Variants in RAB11FIP5 observed in about 807,000 individuals in gnomAD.
RAB11FIP5 encodes the protein RAB11 family interacting protein 5, also known as rab11 family-interacting protein 5.
In RAB11FIP5, 48 loss-of-function variants were observed where a neutral mutation model predicts 85.1. The observed-to-expected ratio is 0.56, with a 90% confidence interval of 0.45 to 0.72. RAB11FIP5 has a LOEUF of 0.72. Ranked by LOEUF, RAB11FIP5 falls within the 30% of genes least tolerant of loss-of-function variation. The pLI, the probability that RAB11FIP5 is intolerant of heterozygous loss-of-function variation, is 0.00. For missense variants in RAB11FIP5, 1,491 were observed against 1,687.0 expected (o/e 0.88, Z 2.04); for synonymous variants, 729 against 727.3 (o/e 1.00, Z -0.04).
In RAB11FIP5 at chr2:73,076,124, G is replaced by A. The variant is rs758458443; in HGVS notation, c.3640C>T (p.Gln1214Ter). 6.2e-7 allele frequency: 1 copy of A among 1,613,912 alleles called. No homozygotes were observed. Among genetic ancestry groups the A allele is most frequent in the Non-Finnish European group, 8.5e-7 (1 of 1,179,776 alleles). ...APVEGSPDRK[Q>*]SRSSLSIALS... Reference sequence around the variant, plus strand: ...GCTATGCTCAGACTGGAGCGGGACTGCTTCCTGTCGGGGCTGCCCTCCACA... The same window carrying A: ...GCTATGCTCAGACTGGAGCGGGACTACTTCCTGTCGGGGCTGCCCTCCACA... Residue 1214 changes from glutamine to a stop codon, truncating the protein, a stop_gained, in exon 5 of 6, where the codon CAG becomes TAG. Transcript: ENST00000486777. LOFTEE classifies it high-confidence loss of function.
In RAB11FIP5 at chr2:73,088,214, G is replaced by A. The variant is rs1217779254; in HGVS notation, c.1404C>T (p.His468=). 1.2e-6 allele frequency: 2 copies of A among 1,613,938 alleles called. No homozygotes were observed. Among genetic ancestry groups the A allele is most frequent in the Non-Finnish European group, 8.5e-7 (1 of 1,180,030 alleles). The change falls in exon 3 of 6, where the codon CAC becomes CAT. Residue 468 remains histidine, a synonymous_variant. Coordinates refer to ENST00000486777, the MANE Select transcript of RAB11FIP5 (RefSeq NM_001371272.1). ...ACTCGCTCCGACTTAGGCCTTGGTG[G>A]TGGTGGTGGAAGAGACCCATCCGGG... ...RKPRMGLFHH[H]HQGLSRSELG... is the part of the protein sequence containing the mutation.
chr2:73,088,984 C>G lies in RAB11FIP5; in HGVS notation c.763G>C (p.Asp255His). 6.2e-7 allele frequency: 1 copy of G among 1,614,192 alleles called. No individual in the cohort carries two copies. The highest frequency in any genetic ancestry group is 8.5e-7 in the Non-Finnish European group (1 of 1,180,044). ...CCGCTGGCTGAGGACAGGGTGCTGT[C>G]CGAGCCCAGCGAGGTGTTGGACTGG... is the stretch of plus-strand genomic sequence containing the variant. The part of the protein sequence containing the change: ...LTQSNTSLGS[D>H]STLSSASGSL... The change falls in exon 2 of 6, where the codon GAC becomes CAC. Residue 255 changes from aspartate (D) to histidine (H), a missense_variant. This residue lies in a region of RAB11FIP5 where 1,211 missense variants were observed against 1,338.0 expected (regional missense o/e 0.91). Coordinates refer to ENST00000486777, the MANE Select transcript of RAB11FIP5 (RefSeq NM_001371272.1).
chr2:73,082,267 C>T (rs1683999023), intron 3 of RAB11FIP5, among the ~76,000 whole-genome samples: 1 of 152,106 alleles, frequency 6.6e-6, no homozygotes, highest in Non-Finnish European at 1.5e-5. Context: ...CCTGGCCTCC[C>T]AAAGTTCTGG....
intron 3 of RAB11FIP5, among the ~76,000 whole-genome samples, chr2:73,085,066 G>C (rs1420780915): frequency 6.6e-6 from 1 of 152,200 alleles, no homozygotes; most frequent in South Asian, 2.1e-4. Context: ...ACCATGACAA[G>C]AGCATGGTTG....
Position 73,080,347 on chromosome 2 carries a change from T to G in RAB11FIP5, c.2885A>C (p.Asp962Ala). The change falls in exon 4 of 6, where the codon GAC (aspartate) becomes GCC (alanine). Residue 962 changes from aspartate to alanine, a missense_variant. Asp to Ala is a moderately radical substitution (Grantham distance 126, BLOSUM62 -2). Around this residue, in one of 3 missense-constraint regions of RAB11FIP5, gnomAD observed 1,211 missense variants for 1,338.0 expected, o/e 0.91. Transcript: ENST00000486777. ...EGEKRESEES[D>A]SCSSATLLGQ... The stretch of plus-strand genomic sequence containing the variant: ...CAGCAGGGTTGCAGAGGAGCAGCTG[T>G]CAGACTCCTCCGACTCACGCTTCTC... 8.1e-7 allele frequency: 1 copy of G among 1,232,744 alleles called. No individual in the cohort carries two copies. Among genetic ancestry groups the G allele is most frequent in the Non-Finnish European group, 1.0e-6 (1 of 988,390 alleles). The allele number at this position is 1,232,744 out of a possible 1,614,324, so 76.4% of individuals were successfully genotyped here. A position where few individuals can be genotyped will look rare whatever the true frequency, so the allele number is the denominator to read the frequency against.
At chr2:73,101,600 G>C (rs892062705) in intron 1 of RAB11FIP5, among the ~76,000 whole-genome samples, 4 of 152,152 alleles carry the variant, frequency 2.6e-5, no homozygotes, top group African/African-American at 9.7e-5. Flanking sequence ...ATTGACATTA[G>C]ACTCCTGCGG....
chr2:73,104,755 A>G (rs1684491395), intron 1 of RAB11FIP5, among the ~76,000 whole-genome samples: 1 of 152,104 alleles, frequency 6.6e-6, no homozygotes, highest in African/African-American at 2.4e-5. Context: ...CTGTTATTCA[A>G]GGCCTCACCT....
At chr2:73,092,488 G>A (rs1431141756) in intron 1 of RAB11FIP5, among the ~76,000 whole-genome samples, 1 of 152,186 alleles carries the variant, frequency 6.6e-6, no homozygotes, top group Non-Finnish European at 1.5e-5. Context: ...AAGAGACAAG[G>A]GAAAGCTCTT....
chr2:73,099,015 T>C (rs1027569885), intron 1 of RAB11FIP5, among the ~76,000 whole-genome samples: 1 of 152,086 alleles, frequency 6.6e-6, no homozygotes, highest in South Asian at 2.1e-4. Flanking sequence ...CTTATGTTTC[T>C]TTAGTAAATG....
At position 73,074,118 on chromosome 2, in the gene RAB11FIP5, T is replaced by G. The variant is rs1683801472; in HGVS notation, c.*1403A>C. ...ACCAGGGGCTGGGCCAAAGGACAGA[T>G]ACTTCATTTCAAAGTGCACTGCAGC... On this transcript the variant is annotated 3_prime_UTR_variant, in exon 6 of 6. Coordinates refer to ENST00000486777, the MANE Select transcript of RAB11FIP5 (RefSeq NM_001371272.1). 1 of 152,248 alleles carries G rather than the reference T, an allele frequency of 6.6e-6. No individual in the cohort carries two copies. The highest frequency in any genetic ancestry group is 2.1e-4 in the South Asian group (1 of 4,838). The allele number at this position is 152,248 out of a possible 1,614,324, so 9.4% of individuals were successfully genotyped here.
In RAB11FIP5 at chr2:73,088,908, C is replaced by A. The variant is rs1488069718; in HGVS notation, c.839G>T (p.Ser280Ile). 1 of 1,589,154 alleles carries A rather than the reference C, an allele frequency of 6.3e-7. No individual in the cohort carries two copies. Among genetic ancestry groups the A allele is most frequent in the Admixed American group, 1.7e-5 (1 of 57,788 alleles). ...TTCAGTGGACAGCCAGCTGCTACGGCTTGGTGAGCGGGTGAGGAGTTCGGC... is the reference window on the plus strand; with the variant it reads ...TTCAGTGGACAGCCAGCTGCTACGGATTGGTGAGCGGGTGAGGAGTTCGGC... ...PGAELLTRSP[S>I]RSSWLSTEGG... The change falls in exon 2 of 6, where the codon AGC (serine) becomes ATC (isoleucine). Residue 280 changes from serine to isoleucine, a missense_variant. By Grantham distance (142) the Ser-to-Ile change is moderately radical (BLOSUM62 -2). This residue lies in a region of RAB11FIP5 where 1,211 missense variants were observed against 1,338.0 expected (regional missense o/e 0.91). Transcript: ENST00000486777.
Position 73,088,213 on chromosome 2 carries a change from G to C in RAB11FIP5, c.1405C>G (p.His469Asp), listed in dbSNP as rs780647922. The stretch of plus-strand genomic sequence containing the variant: ...AACTCGCTCCGACTTAGGCCTTGGT[G>C]GTGGTGGTGGAAGAGACCCATCCGG... ...KPRMGLFHHH[H>D]QGLSRSELGR... is the part of the protein sequence containing the mutation. Residue 469 changes from histidine to aspartate, a missense_variant, in exon 3 of 6, where the codon CAC becomes GAC. Physicochemically the swap from His to Asp is moderately conservative, Grantham distance 81. Transcript: ENST00000486777. 8 of 1,613,954 alleles carry C rather than the reference G, an allele frequency of 5.0e-6. No homozygotes were observed. In the East Asian group the frequency reaches 1.8e-4, roughly 36 times the overall value.
rs1558526198 is a variant in RAB11FIP5 at position 73,112,859 on chromosome 2, G to A, written c.-82C>T. The A allele has an allele frequency of 7.9e-7, 1 of 1,273,764 alleles. No individual in the cohort carries two copies. The highest frequency in any genetic ancestry group is 1.0e-6 in the Non-Finnish European group (1 of 995,566). The allele number at this position is 1,273,764 out of a possible 1,614,324, so 78.9% of individuals were successfully genotyped here. On this transcript the variant is annotated 5_prime_UTR_variant, in exon 1 of 6. Coordinates refer to ENST00000486777, the MANE Select transcript of RAB11FIP5 (RefSeq NM_001371272.1). ...GACAAACCCGGCCGCGGCAGAAGGC[G>A]GTCAGGAACCAACTCTGAGCGCCGC...
rs538964905 is a variant in RAB11FIP5 at position 73,081,321 on chromosome 2, G to C, written c.1911C>G (p.Pro637=). Reference sequence around the variant, plus strand: ...GCAGGGCTTTCCCAGGGGAGGCCAGGGGGGTGGGGCTGGCCCTCGAGGCAC... The same window carrying C: ...GCAGGGCTTTCCCAGGGGAGGCCAGCGGGGTGGGGCTGGCCCTCGAGGCAC... ...LPSASRASPT[P]LASPGKALPE... The change falls in exon 4 of 6, where the codon CCC becomes CCG. Residue 637 remains proline, a synonymous_variant. Coordinates refer to ENST00000486777, the MANE Select transcript of RAB11FIP5 (RefSeq NM_001371272.1). The surrounding 1 kb of genome is among the most constrained non-coding windows in gnomAD (Gnocchi z 4.2). 1.4e-5 allele frequency: 17 copies of C among 1,232,870 alleles called. No individual in the cohort carries two copies. In the South Asian group the frequency reaches 2.1e-4, roughly 15 times the overall value. 76.4% of individuals were successfully genotyped at this position (1,232,870 alleles called of 1,614,324 possible). A position where few individuals can be genotyped will look rare whatever the true frequency, so the allele number is the denominator to read the frequency against.
chr2:73,110,643 C>CTGAAAA lies in RAB11FIP5; in HGVS notation c.431+1698_431+1703dup, dbSNP rs571509394. ...ATTCTCCAAGACAGGCTGTTCTTGG[C>CTGAAAA]TGAAAATGGGTCCACCTGGACCTAC... On this transcript the variant is annotated intron_variant, in intron 1 of 5. Coordinates refer to ENST00000486777, the MANE Select transcript of RAB11FIP5 (RefSeq NM_001371272.1). Among the ~76,000 whole-genome samples the CTGAAAA allele has an allele frequency of 2.9e-3, 440 of 152,324 alleles. 1 individual carries two copies. The highest frequency in any genetic ancestry group is 0.01 in the African/African-American group (419 of 41,566).
Position 73,075,906 on chromosome 2 carries a change from G to A in RAB11FIP5, c.3771+87C>T. The A allele has an allele frequency of 2.6e-6, 4 of 1,511,408 alleles. No individual in the cohort carries two copies. The South Asian group carries it at 3.8e-5, about 14-fold the overall frequency. 93.6% of individuals were successfully genotyped at this position (1,511,408 alleles called of 1,614,324 possible). A position where few individuals can be genotyped will look rare whatever the true frequency, so the allele number is the denominator to read the frequency against. ...GACTCTGATATGGGGGACCTGGCCTGCTCCCTGCCCCACCCTCACCAGGAC... is the reference window on the plus strand; with the variant it reads ...GACTCTGATATGGGGGACCTGGCCTACTCCCTGCCCCACCCTCACCAGGAC... On this transcript the variant is annotated intron_variant, in intron 5 of 5. Transcript: ENST00000486777. The surrounding 1 kb of genome is among the most constrained non-coding windows in gnomAD (Gnocchi z 4.6).
intron 4 of RAB11FIP5, among the ~76,000 whole-genome samples, 183 bp from the exon 5 acceptor site, chr2:73,076,365 G>A (rs558830587): frequency 6.6e-6 from 1 of 152,040 alleles, no homozygotes; most frequent in Non-Finnish European, 1.5e-5. Context: ...CAACCCCCTG[G>A]GCTGGCCTCA....
intron 1 of RAB11FIP5, among the ~76,000 whole-genome samples, chr2:73,110,956 C>T (rs1435818808): frequency 1.3e-5 from 2 of 152,054 alleles, no homozygotes; most frequent in Admixed American, 6.5e-5. Flanking sequence ...AGCTTTTCGC[C>T]CCATATACCC....
chr2:73,088,865 C>T lies in RAB11FIP5; in HGVS notation c.868+14G>A. On this transcript the variant is annotated intron_variant, in intron 2 of 5. Transcript: ENST00000486777. ...TGCCCCCCTCCCCAGGGCGGCGGCC[C>T]TGTGCTTGCTCACCCCCTTCAGTGG... 6.4e-7 allele frequency: 1 copy of T among 1,554,988 alleles called. No individual in the cohort carries two copies. The highest frequency in any genetic ancestry group is 8.7e-7 in the Non-Finnish European group (1 of 1,152,268).
Sources: gnomAD v4.1 joint callset for allele counts (sites outside exome capture counted in the v4.1 genomes callset) on GRCh38, gnomAD v4.1.1 for gene constraint, gnomAD v4.1.1 regional missense constraint, Gnocchi (gnomAD v3.1) non-coding constraint, MANE v1.5 for transcripts, NCBI Gene and HGNC (gene_info 2026-07-23, HGNC 2026-07-21) for gene names.